Variants in PRKG1 observed in about 807,000 individuals in gnomAD.
PRKG1 encodes the protein protein kinase cGMP-dependent 1.
In PRKG1, 35 loss-of-function variants were observed where a neutral mutation model predicts 88.1. The observed-to-expected ratio is 0.40, with a 90% CI of 0.30 to 0.53. The LOEUF (loss-of-function observed/expected upper bound fraction) is 0.53, where lower values mean the gene tolerates loss of function less well. Ranked by LOEUF, PRKG1 falls within the 20% of genes least tolerant of loss-of-function variation. The pLI is 0.59. For synonymous variants in PRKG1, 303 were observed against 292.5 expected (o/e 1.04, Z -0.37); for missense variants, 540 against 839.8 (o/e 0.64, Z 4.41).
At chr10:52,105,052 G>T (rs184247973) in intron 7 of PRKG1, among the ~76,000 whole-genome samples, 22 of 152,232 alleles carry the variant, frequency 1.4e-4, no homozygotes, top group African/African-American at 4.8e-4. Flanking sequence ...CAGAGGCCAC[G>T]CAGATGCTAT....
intron 7 of PRKG1, among the ~76,000 whole-genome samples, chr10:52,093,544 A>T (rs767483902): frequency 4.6e-5 from 7 of 152,174 alleles, no homozygotes; most frequent in Non-Finnish European, 8.8e-5. Flanking sequence ...CAGGAAAAGG[A>T]ATTTTTCTTT....
At chr10:52,058,324 G>A (rs1443910208) in intron 6 of PRKG1, among the ~76,000 whole-genome samples, 1 of 151,934 alleles carries the variant, frequency 6.6e-6, no homozygotes, top group Non-Finnish European at 1.5e-5. Context: ...TATTGAAAAA[G>A]CCATATCATT....
At chr10:51,302,007 C>T (rs1840901340) in intron 2 of PRKG1, among the ~76,000 whole-genome samples, 1 of 152,210 alleles carries the variant, frequency 6.6e-6, no homozygotes, top group African/African-American at 2.4e-5. Context: ...TCCTGGTGCT[C>T]TGACCTCTCT....
At chr10:51,463,875 C>T (rs1839808919) in intron 2 of PRKG1, among the ~76,000 whole-genome samples, 2 of 152,180 alleles carry the variant, frequency 1.3e-5, no homozygotes, top group South Asian at 4.1e-4. Flanking sequence ...TCCTCGTTCA[C>T]ATAACAGGTG....
intron 5 of PRKG1, among the ~76,000 whole-genome samples, chr10:51,927,487 A>T (rs956745806): frequency 2.0e-5 from 3 of 152,142 alleles, no homozygotes; most frequent in Non-Finnish European, 4.4e-5. Context: ...ATAGGGAAGG[A>T]GTCTGGAAAC....
intron 7 of PRKG1, among the ~76,000 whole-genome samples, chr10:52,071,906 C>T (rs1226638189): frequency 6.6e-6 from 1 of 152,182 alleles, no homozygotes; most frequent in Non-Finnish European, 1.5e-5. Flanking sequence ...GTTTCTGTTT[C>T]TCTCAGAGAA....
chr10:51,075,865 A>G (rs1467888395), intron 1 of PRKG1, among the ~76,000 whole-genome samples: 2 of 152,242 alleles, frequency 1.3e-5, no homozygotes, highest in Non-Finnish European at 2.9e-5. Context: ...AGCGACAGGA[A>G]CATGAGGTTA....
intron 7 of PRKG1, among the ~76,000 whole-genome samples, chr10:52,104,749 A>T (rs1847375117): frequency 1.3e-5 from 2 of 152,314 alleles, no homozygotes; most frequent in South Asian, 4.1e-4. Context: ...AAGACACATT[A>T]TCATATTAAT....
chr10:51,762,466 G>C (rs935441813), intron 3 of PRKG1, among the ~76,000 whole-genome samples: 1 of 152,094 alleles, frequency 6.6e-6, no homozygotes, highest in Non-Finnish European at 1.5e-5. Flanking sequence ...TTCTTTCAAA[G>C]GTATTGGATG....
At chr10:52,220,690 G>A (rs1840221462) in intron 9 of PRKG1, among the ~76,000 whole-genome samples, 1 of 151,958 alleles carries the variant, frequency 6.6e-6, no homozygotes, top group Non-Finnish European at 1.5e-5. Context: ...GTTTCTGTGT[G>A]AGTTTGCTAA....
At chr10:51,272,188 A>G (rs1303457920) in intron 2 of PRKG1, among the ~76,000 whole-genome samples, 1 of 151,950 alleles carries the variant, frequency 6.6e-6, no homozygotes, top group Non-Finnish European at 1.5e-5. Context: ...GCTTTTTTTC[A>G]TATGTTTGTT....
At chr10:51,993,481 A>G (rs558043294) in intron 5 of PRKG1, among the ~76,000 whole-genome samples, 1 of 152,294 alleles carries the variant, frequency 6.6e-6, no homozygotes, top group South Asian at 2.1e-4. Context: ...TTACAATCCT[A>G]TGAGTAGGAT....
At chr10:52,137,621 C>A (rs1837463516) in intron 8 of PRKG1, among the ~76,000 whole-genome samples, 1 of 152,064 alleles carries the variant, frequency 6.6e-6, no homozygotes, top group South Asian at 2.1e-4. Flanking sequence ...CTTCCCTGTA[C>A]TTTAAAATAT....
At chr10:51,000,053 C>G (rs1842873325) in intron 1 of PRKG1, among the ~76,000 whole-genome samples, 1 of 152,204 alleles carries the variant, frequency 6.6e-6, no homozygotes, top group Non-Finnish European at 1.5e-5. Context: ...TCCATTTGGT[C>G]TCCTCTCAGA....
At chr10:51,031,077 AT>A (rs1263897471) in intron 1 of PRKG1, among the ~76,000 whole-genome samples, 1 of 152,108 alleles carries the variant, frequency 6.6e-6, no homozygotes, top group African/African-American at 2.4e-5. Context: ...ACCTTCACAG[AT>A]TATATTGTCT....
intron 8 of PRKG1, among the ~76,000 whole-genome samples, chr10:52,153,733 T>A (rs1838006032): frequency 6.6e-6 from 1 of 152,164 alleles, no homozygotes; most frequent in African/African-American, 2.4e-5. Flanking sequence ...AATTTATTTT[T>A]ATTTATTTAT....
chr10:51,750,516 A>T (rs887136505), intron 3 of PRKG1, among the ~76,000 whole-genome samples: 4 of 152,184 alleles, frequency 2.6e-5, no homozygotes, highest in East Asian at 1.9e-4. Context: ...CCAGGCAATG[A>T]GCTAGCTGCT....
chr10:51,171,036 T>C (rs9415761), intron 2 of PRKG1, among the ~76,000 whole-genome samples: 9,964 of 152,090 alleles, frequency 0.066, 676 homozygotes, highest in African/African-American at 0.17. Flanking sequence ...CGGACTAAGG[T>C]CATTATCCAA....
chr10:51,183,385 C>T (rs1214971627), intron 2 of PRKG1, among the ~76,000 whole-genome samples: 2 of 152,164 alleles, frequency 1.3e-5, no homozygotes, highest in Non-Finnish European at 2.9e-5. Flanking sequence ...TTAGCTAGTA[C>T]CCTGGATCTC....
Sources: gnomAD v4.1 joint callset for allele counts (sites outside exome capture counted in the v4.1 genomes callset) on GRCh38, gnomAD v4.1.1 for gene constraint, MANE v1.5 for transcripts, NCBI Gene and HGNC (gene_info 2026-07-23, HGNC 2026-07-21) for gene names.